The following TRAM2 variants were observed in gnomAD, a reference collection of about 807,000 sequenced individuals.
The protein encoded by TRAM2 is translocating chain-associated membrane protein 2.
A neutral mutation model predicts 51.0 loss-of-function variants in TRAM2; 12 were observed. The ratio of observed to expected loss-of-function variants is 0.24; its 90% CI spans 0.15 to 0.38. TRAM2 has a LOEUF of 0.38. TRAM2 is among the 10% of genes least tolerant of loss of function. The pLI is 1.00. For synonymous variants in TRAM2, 175 were observed against 179.4 expected, an observed-to-expected ratio of 0.98 and a Z score of 0.20; for missense variants, 361 against 462.0, an observed-to-expected ratio of 0.78 and a Z score of 2.00.
intron 1 of TRAM2, among the ~76,000 whole-genome samples, chr6:52,560,732 A>G (rs2114103674): frequency 6.6e-6 from 1 of 152,360 alleles, no homozygotes; most frequent in South Asian, 2.1e-4. Flanking sequence ...ATAACTCTCA[A>G]TAACCAGCAC....
intron 1 of TRAM2, among the ~76,000 whole-genome samples, chr6:52,552,454 G>A (rs796112626): frequency 1.3e-5 from 2 of 152,240 alleles, no homozygotes; most frequent in African/African-American, 4.8e-5. Flanking sequence ...GCAGAAGGGA[G>A]AAAAGTGCAG....
At chr6:52,520,464 C>T (rs569713391) in intron 2 of TRAM2, among the ~76,000 whole-genome samples, 1 of 152,298 alleles carries the variant, frequency 6.6e-6, no homozygotes, top group African/African-American at 2.4e-5. Flanking sequence ...AAGAGATGGG[C>T]GTCGGATAGA....
chr6:52,517,404 G>A (rs1581873144), intron 2 of TRAM2: 1 of 152,370 alleles, frequency 6.6e-6, no homozygotes, highest in East Asian at 1.9e-4. Flanking sequence ...TATTATTTTT[G>A]TTGTTGGGCT....
rs748744364 is a variant in TRAM2, at chr6:52,503,234, C to G, written c.1076G>C (p.Gly359Ala). Residue 359 changes from glycine (G) to alanine (A), a missense_variant, in exon 11 of 11, where the codon GGA (glycine) becomes GCA (alanine). Gly to Ala is a moderately conservative substitution (Grantham distance 60). Coordinates refer to ENST00000182527, the MANE Select transcript of TRAM2 (RefSeq NM_012288.4). The part of the protein sequence containing the change: ...HENGVVKAEN[G>A]TSPRTKKLKS... ...GAGTTTCTTAGTCCGTGGGGAGGTT[C>G]CGTTCTCTGCCTTCACCACTCCATT... The G allele has an allele frequency of 6.2e-7, 1 of 1,613,804 alleles. No individual in the cohort carries two copies. The highest frequency in any genetic ancestry group is 1.3e-5 in the African/African-American group (1 of 74,826).
chr6:52,521,510 G>A (rs1038264649), intron 2 of TRAM2, among the ~76,000 whole-genome samples: 22 of 151,504 alleles, frequency 1.5e-4, no homozygotes, highest in African/African-American at 5.1e-4. Flanking sequence ...TGGCTAACAT[G>A]GTGAAACCCC....
chr6:52,509,098 C>T (rs752066012), intron 5 of TRAM2, among the ~76,000 whole-genome samples: 40 of 152,154 alleles, frequency 2.6e-4, no homozygotes, highest in Non-Finnish European at 2.2e-4. Context: ...GGGAGATGGC[C>T]CCAGGTATTG....
At chr6:52,542,246 G>T (rs1767109982) in intron 1 of TRAM2, among the ~76,000 whole-genome samples, 1 of 149,190 alleles carries the variant, frequency 6.7e-6, no homozygotes, top group East Asian at 2.0e-4. Flanking sequence ...CCAATTGGTG[G>T]GGAAGAGATT....
At chr6:52,546,207 G>A (rs1325826863) in intron 1 of TRAM2, among the ~76,000 whole-genome samples, 1 of 152,186 alleles carries the variant, frequency 6.6e-6, no homozygotes, top group African/African-American at 2.4e-5. Flanking sequence ...GCAGAGAGAA[G>A]GGAGAAATGT....
chr6:52,536,427 T>C (rs1766978342), intron 1 of TRAM2, among the ~76,000 whole-genome samples: 1 of 152,184 alleles, frequency 6.6e-6, no homozygotes, highest in African/African-American at 2.4e-5. Context: ...GCCTTTAAAA[T>C]CTTAGTTGTG....
rs1195494353 is a variant in TRAM2, at chr6:52,499,574, T to G, written c.*3623A>C. ...TGGAATCCTGGGAGGAGATGCACTC[T>G]TTCACCCAACCTCTTATTAGCTGCT... On this transcript the variant is annotated 3_prime_UTR_variant, in exon 11 of 11. Coordinates refer to ENST00000182527, the MANE Select transcript of TRAM2 (RefSeq NM_012288.4). The G allele has an allele frequency of 6.6e-6, 1 of 152,074 alleles. No individual in the cohort carries two copies. The highest frequency in any genetic ancestry group is 1.9e-4 in the East Asian group (1 of 5,190). The allele number at this position is 152,074 out of a possible 1,614,324, so 9.4% of individuals were successfully genotyped here.
At chr6:52,529,907 T>C (rs2114082076) in intron 2 of TRAM2, 1 of 152,304 alleles carries the variant, frequency 6.6e-6, no homozygotes, top group Admixed American at 6.5e-5. Context: ...TATACATTTC[T>C]GATCACACAC....
chr6:52,559,903 T>C (rs763058047), intron 1 of TRAM2, among the ~76,000 whole-genome samples: 1 of 152,142 alleles, frequency 6.6e-6, no homozygotes, highest in Admixed American at 6.5e-5. Flanking sequence ...GGAAGTTAAC[T>C]GAATTTAAAA....
Position 52,577,007 on chromosome 6 carries a change from G to A in TRAM2, c.-92C>T. On this transcript the variant is annotated 5_prime_UTR_variant, in exon 1 of 11. Coordinates refer to ENST00000182527, the MANE Select transcript of TRAM2 (RefSeq NM_012288.4). ...CCAGCACCGGCCCGGTCCGCCCGCCGGCCCGCCGCCCGCTCTCCCACAGCC... is the reference window on the plus strand; with the variant it reads ...CCAGCACCGGCCCGGTCCGCCCGCCAGCCCGCCGCCCGCTCTCCCACAGCC... The A allele has an allele frequency of 1.5e-6, 2 of 1,307,266 alleles. No homozygotes were observed. The highest frequency in any genetic ancestry group is 1.9e-6 in the Non-Finnish European group (2 of 1,030,356). 81.0% of individuals were successfully genotyped at this position (1,307,266 alleles called of 1,614,324 possible).
chr6:52,558,122 C>T (rs1425233289), intron 1 of TRAM2, among the ~76,000 whole-genome samples: 1 of 152,210 alleles, frequency 6.6e-6, no homozygotes, highest in Non-Finnish European at 1.5e-5. Flanking sequence ...CACGTGGGCT[C>T]AGCTATAGAG....
chr6:52,507,737 C>G, intron 6 of TRAM2, 114 bp from the exon 7 acceptor site: 2 of 932,424 alleles, frequency 2.1e-6, no homozygotes, highest in Admixed American at 4.2e-5. Flanking sequence ...GCTGCTTTAA[C>G]ACACAGTCCC....
intron 2 of TRAM2, among the ~76,000 whole-genome samples, chr6:52,527,069 A>G: frequency 6.6e-6 from 1 of 152,142 alleles, no homozygotes; most frequent in East Asian, 1.9e-4. Flanking sequence ...ATTTCAGTCA[A>G]AACAACTGAT....
intron 10 of TRAM2, 99 bp downstream of exon 10, chr6:52,504,492 G>A: frequency 6.4e-7 from 1 of 1,559,456 alleles, no homozygotes; most frequent in Non-Finnish European, 8.7e-7. Flanking sequence ...GGCAGGATTG[G>A]TCTGGGCAGC....
At chr6:52,549,130 G>A (rs887345065) in intron 1 of TRAM2, among the ~76,000 whole-genome samples, 16 of 152,208 alleles carry the variant, frequency 1.1e-4, no homozygotes, top group Admixed American at 2.6e-4. Context: ...TGTCCACCGT[G>A]TGGTCCAACT....
intron 1 of TRAM2, among the ~76,000 whole-genome samples, chr6:52,574,896 A>G (rs557129058): frequency 6.0e-4 from 91 of 152,290 alleles, no homozygotes; most frequent in Non-Finnish European, 8.4e-4. Flanking sequence ...TGCTAGAAAT[A>G]TGACGGAGAG....
Sources: gnomAD v4.1 joint callset for allele counts (sites outside exome capture counted in the v4.1 genomes callset) on GRCh38, gnomAD v4.1.1 for gene constraint, MANE v1.5 for transcripts, NCBI Gene and HGNC (gene_info 2026-07-23, HGNC 2026-07-21) for gene names.